The following IKBKE variants were observed in gnomAD, a reference collection of about 807,000 sequenced individuals.
The protein encoded by IKBKE is inhibitor of nuclear factor kappa-B kinase subunit epsilon.
A neutral mutation model predicts 92.1 loss-of-function variants in IKBKE; 45 were observed. The ratio of observed to expected loss-of-function variants is 0.49; its 90% confidence interval spans 0.38 to 0.63. The LOEUF is 0.63. Among genes scored for constraint, IKBKE ranks in the 20% least tolerant of loss-of-function variants. IKBKE has a pLI of 0.00. For missense variants in IKBKE, 700 were observed against 932.8 expected (o/e 0.75, Z 3.25); for synonymous variants, 374 against 380.3 (o/e 0.98, Z 0.19).
chr1:206,494,711 C>G (rs181476923), intron 21 of IKBKE, among the ~76,000 whole-genome samples: 54 of 135,188 alleles, frequency 4.0e-4, no homozygotes, highest in African/African-American at 1.3e-3. Flanking sequence ...TCAAGCAATT[C>G]TCCTGCCTCA....
At chr1:206,474,758 T>C (rs1553384747) in intron 4 of IKBKE, 107 bp from the exon 5 acceptor site, 2 of 1,382,690 alleles carry the variant, frequency 1.4e-6, no homozygotes, top group East Asian at 2.4e-5. Context: ...GGCCAGAAGC[T>C]GGGACCTGGA....
chr1:206,483,471 C>T (rs782222697), intron 13 of IKBKE, among the ~76,000 whole-genome samples: 13 of 152,166 alleles, frequency 8.5e-5, no homozygotes, highest in Non-Finnish European at 1.8e-4. Context: ...TTGCTAGGCA[C>T]GAGACGTACG....
Position 206,496,141 on chromosome 1 carries a change from T to A in IKBKE, c.2147T>A (p.Val716Asp), listed in dbSNP as rs1366011854. Residue 716 changes from valine (V) to aspartate (D), a missense_variant, in exon 22 of 22, where the codon GTC (valine) becomes GAC (aspartate). Val to Asp is a radical substitution (Grantham distance 152). Coordinates refer to ENST00000581977, the MANE Select transcript of IKBKE (RefSeq NM_014002.4). ...RLNRVPAPPD[V>D] Reference sequence around the variant, plus strand: ...AATAGAGTCCCAGCACCTCCTGATGTCTGAGCTCCATGGGGCACATGAGGC... The same window carrying A: ...AATAGAGTCCCAGCACCTCCTGATGACTGAGCTCCATGGGGCACATGAGGC... 1.9e-6 allele frequency: 3 copies of A among 1,612,982 alleles called. No homozygotes were observed. The highest frequency in any genetic ancestry group is 2.5e-6 in the Non-Finnish European group (3 of 1,179,054).
intron 3 of IKBKE, 49 bp from the exon 4 acceptor site, chr1:206,474,282 A>G: frequency 1.9e-6 from 3 of 1,561,866 alleles, no homozygotes; most frequent in South Asian, 1.2e-5. Flanking sequence ...TGGGAGTGGG[A>G]CATGTGCTAA....
chr1:206,492,298 T>G, intron 18 of IKBKE: 1 of 385,554 alleles, frequency 2.6e-6, no homozygotes, highest in South Asian at 2.0e-5. Context: ...TCAGGCCCAC[T>G]CTCCATCCCC....
intron 7 of IKBKE, among the ~76,000 whole-genome samples, chr1:206,477,134 C>T (rs1312870983): frequency 6.6e-6 from 1 of 152,214 alleles, no homozygotes. Context: ...GAGTGCCTTG[C>T]CTAAGGTGGA....
In IKBKE at chr1:206,487,579, G is replaced by A. The variant is rs1665728482; in HGVS notation, c.1617-335G>A. On this transcript the variant is annotated intron_variant, in intron 15 of 21. Transcript: ENST00000581977. The surrounding 1 kb of genome is among the most constrained non-coding windows in gnomAD (Gnocchi z 5.3). ...TTCAGGGGCCTAGGCTCCTTCCCAGGGCCTAGTCTCACAACTTCTCAGGTA... is the reference window on the plus strand; with the variant it reads ...TTCAGGGGCCTAGGCTCCTTCCCAGAGCCTAGTCTCACAACTTCTCAGGTA... Among the ~76,000 whole-genome samples, 1 of 152,010 alleles carries A rather than the reference G, an allele frequency of 6.6e-6. No homozygotes were observed. Among genetic ancestry groups the A allele is most frequent in the South Asian group, 2.1e-4 (1 of 4,820 alleles).
In IKBKE at chr1:206,485,937, G is replaced by A. The variant is rs1665630336; in HGVS notation, c.1616+631G>A. ...CCTACCTTGCCGCTTCTGACCAGGG[G>A]ATGGGTGGTACCCAGCGCGGACCTC... On this transcript the variant is annotated intron_variant, in intron 15 of 21. Coordinates refer to ENST00000581977, the MANE Select transcript of IKBKE (RefSeq NM_014002.4). The surrounding 1 kb of genome is among the most constrained non-coding windows in gnomAD (Gnocchi z 5.0). Among the ~76,000 whole-genome samples, 1 of 152,198 alleles carries A rather than the reference G, an allele frequency of 6.6e-6. No individual in the cohort carries two copies. The highest frequency in any genetic ancestry group is 1.5e-5 in the Non-Finnish European group (1 of 68,034).
rs150760611 is a variant in IKBKE, at chr1:206,487,813, T to G, written c.1617-101T>G. 3 of 889,606 alleles carry G rather than the reference T, an allele frequency of 3.4e-6. No individual in the cohort carries two copies. Among genetic ancestry groups the G allele is most frequent in the Non-Finnish European group, 5.4e-6 (3 of 556,782 alleles). The allele number at this position is 889,606 out of a possible 1,614,324, so 55.1% of individuals were successfully genotyped here. On this transcript the variant is annotated intron_variant, in intron 15 of 21. Transcript: ENST00000581977. The surrounding 1 kb of genome is among the most constrained non-coding windows in gnomAD (Gnocchi z 5.3). ...GACTGATCCCCCAAAACTGTGGCTG[T>G]GAGGCTCCTCCCCTATTCCACTGCC...
At chr1:206,494,986 T>TA (rs33957066) in intron 21 of IKBKE, among the ~76,000 whole-genome samples, 7,533 of 108,852 alleles carry the variant, frequency 0.069, 322 homozygotes, top group Non-Finnish European at 0.1. Flanking sequence ...ACATTTGAAG[T>TA]AAAAAAAAAA....
At position 206,478,756 on chromosome 1, in the gene IKBKE, CTATA is replaced by C. The variant is rs1170969995; in HGVS notation, c.993-186_993-183del. Among the ~76,000 whole-genome samples the C allele has an allele frequency of 6.6e-6, 1 of 152,138 alleles. No homozygotes were observed. Among genetic ancestry groups the C allele is most frequent in the African/African-American group, 2.4e-5 (1 of 41,414 alleles). On this transcript the variant is annotated intron_variant, in intron 9 of 21. Transcript: ENST00000581977. This position sits in a 1 kb window ranked among gnomAD's most constrained non-coding sequence, Gnocchi z 4.8. ...ACCTGTTCCCACTCTGTCTCCATCA[CTATA>C]AGATGTGAACTCTCCCCTTGGTCTC...
In IKBKE at chr1:206,493,959, T is replaced by C; in HGVS notation, c.2085T>C (p.Ser695=). 6.2e-7 allele frequency: 1 copy of C among 1,614,118 alleles called. No homozygotes were observed. The highest frequency in any genetic ancestry group is 2.2e-5 in the East Asian group (1 of 44,880). ...ELCEGMKLLA[S]DLLDNNRIIE... ...GCGAGGGGATGAAGCTGCTGGCATC[T>C]GACCTCCTGGACAACAACCGCATCA... The change falls in exon 21 of 22, where the codon TCT becomes TCC. Residue 695 remains serine (S), a synonymous_variant. Coordinates refer to ENST00000581977, the MANE Select transcript of IKBKE (RefSeq NM_014002.4).
At chr1:206,480,903 A>C (rs552479069) in intron 13 of IKBKE, among the ~76,000 whole-genome samples, 3 of 152,270 alleles carry the variant, frequency 2.0e-5, no homozygotes, top group East Asian at 3.9e-4. Flanking sequence ...ACACACACCC[A>C]CGCACAGTTC....
chr1:206,483,279 C>T lies in IKBKE; in HGVS notation c.1428-1718C>T, dbSNP rs569569136. On this transcript the variant is annotated intron_variant, in intron 13 of 21. Coordinates refer to ENST00000581977, the MANE Select transcript of IKBKE (RefSeq NM_014002.4). ...GAGAGCTAAAGGACTAACCCAAGGT[C>T]ATGCAGATAGCAAATGCCAGGACTA... Among the ~76,000 whole-genome samples the T allele has an allele frequency of 5.3e-5, 8 of 152,378 alleles. No individual in the cohort carries two copies. The South Asian group carries it at 1.7e-3, about 32-fold the overall frequency.
At position 206,479,604 on chromosome 1, in the gene IKBKE, C is replaced by G. The variant is rs146309916; in HGVS notation, c.1184-266C>G. Among the ~76,000 whole-genome samples, 33 of 152,296 alleles carry G rather than the reference C, an allele frequency of 2.2e-4. No individual in the cohort carries two copies. In the East Asian group the frequency reaches 3.5e-3, roughly 16 times the overall value. On this transcript the variant is annotated intron_variant, in intron 10 of 21. Transcript: ENST00000581977. ...TCTGAGGCTAGGAAGGGGTATTCAC[C>G]TCAAAACCTGTGGACAAGAGGGTGA...
In IKBKE at chr1:206,485,827, C is replaced by A. The variant is rs1665622616; in HGVS notation, c.1616+521C>A. Among the ~76,000 whole-genome samples the A allele has an allele frequency of 6.6e-6, 1 of 152,222 alleles. No individual in the cohort carries two copies. Among genetic ancestry groups the A allele is most frequent in the African/African-American group, 2.4e-5 (1 of 41,464 alleles). On this transcript the variant is annotated intron_variant, in intron 15 of 21. Coordinates refer to ENST00000581977, the MANE Select transcript of IKBKE (RefSeq NM_014002.4). This position sits in a 1 kb window ranked among gnomAD's most constrained non-coding sequence, Gnocchi z 5.0. ...TTGGCCTATGCCAGGCAGGGGTTTA[C>A]AACCTTTAAGGCACCACTCTCCCTT...
At chr1:206,471,025 C>T (rs1018758917) in intron 1 of IKBKE, 131 bp from the exon 2 acceptor site, 1 of 152,294 alleles carries the variant, frequency 6.6e-6, no homozygotes. Flanking sequence ...TGGAAACCCC[C>T]AGCCCAGCCC....
chr1:206,483,821 T>G (rs961265631), intron 13 of IKBKE, among the ~76,000 whole-genome samples: 2 of 152,256 alleles, frequency 1.3e-5, no homozygotes, highest in African/African-American at 2.4e-5. Context: ...TAACCTGTTT[T>G]GGGGATCACA....
Position 206,496,436 on chromosome 1 carries a change from A to C in IKBKE, c.*291A>C. ...CTCTAGGCTCAGGTACTGCTCCTCC[A>C]TGCCCATGGCTGGGCCGTGGGGAGA... On this transcript the variant is annotated 3_prime_UTR_variant, in exon 22 of 22. Coordinates refer to ENST00000581977, the MANE Select transcript of IKBKE (RefSeq NM_014002.4). 2.2e-6 allele frequency: 1 copy of C among 453,350 alleles called. No individual in the cohort carries two copies. Among genetic ancestry groups the C allele is most frequent in the Non-Finnish European group, 4.0e-6 (1 of 249,996 alleles). 28.1% of individuals were successfully genotyped at this position (453,350 alleles called of 1,614,324 possible). A position where few individuals can be genotyped will look rare whatever the true frequency, so the allele number is the denominator to read the frequency against.
Sources: allele counts gnomAD v4.1 joint callset (sites outside exome capture counted in the v4.1 genomes callset), GRCh38; gene constraint gnomAD v4.1.1; non-coding constraint Gnocchi (gnomAD v3.1); transcripts MANE v1.5; gene names NCBI Gene and HGNC (gene_info 2026-07-23, HGNC 2026-07-21).